UNC13C: variants seen among roughly 807,000 people sequenced by gnomAD.
The protein encoded by UNC13C is unc-13 homolog C, also known as protein unc-13 homolog C.
Under a neutral mutation model 245.4 loss-of-function variants are expected in UNC13C, and 174 were observed. The ratio of observed to expected loss-of-function variants is 0.71; its 90% CI spans 0.63 to 0.80. The LOEUF is 0.80. Among genes scored for constraint, UNC13C ranks in the 30% least tolerant of loss-of-function variants. UNC13C has a pLI of 0.00. For missense variants in UNC13C, 2,829 were observed against 2,602.9 expected (o/e 1.09, Z -1.89); for synonymous variants, 992 against 895.1 (o/e 1.11, Z -1.93).
chr15:54,412,215 A>C (rs540155162), intron 18 of UNC13C, among the ~76,000 whole-genome samples: 2 of 152,088 alleles, frequency 1.3e-5, no homozygotes, highest in South Asian at 2.1e-4. Context: ...GAAAAAAAAA[A>C]CAAAAAAAGT....
At chr15:54,057,880 G>A (rs1450607810) in intron 2 of UNC13C, among the ~76,000 whole-genome samples, 1 of 152,138 alleles carries the variant, frequency 6.6e-6, no homozygotes, top group East Asian at 1.9e-4. Flanking sequence ...ATAACGAAAC[G>A]AAGGCAGAAA....
chr15:54,369,211 G>A (rs1246036782), intron 17 of UNC13C, among the ~76,000 whole-genome samples: 1 of 150,142 alleles, frequency 6.7e-6, no homozygotes, highest in African/African-American at 2.5e-5. Flanking sequence ...AAAAAAAAAA[G>A]TTGAATGCTA....
At chr15:54,167,493 C>A (rs2033209979) in intron 4 of UNC13C, among the ~76,000 whole-genome samples, 1 of 105,766 alleles carries the variant, frequency 9.5e-6, no homozygotes, top group African/African-American at 3.6e-5. Flanking sequence ...CAGAGCGACA[C>A]TCGTCTCAAA....
chr15:54,372,468 A>G (rs2039508760), intron 17 of UNC13C, among the ~76,000 whole-genome samples: 2 of 152,180 alleles, frequency 1.3e-5, no homozygotes, highest in African/African-American at 4.8e-5. Flanking sequence ...TTAGAAAGAG[A>G]ATACACTGAT....
At chr15:53,884,537 A>C in the UNC13C span, among the ~76,000 whole-genome samples, 1 of 152,034 alleles carries the variant, frequency 6.6e-6, no homozygotes, top group Non-Finnish European at 1.5e-5. Context: ...GGCTCACTAC[A>C]TTGCCCAGAC....
At chr15:54,114,761 T>A (rs1384473781) in intron 2 of UNC13C, among the ~76,000 whole-genome samples, 3 of 152,218 alleles carry the variant, frequency 2.0e-5, no homozygotes, top group Non-Finnish European at 4.4e-5. Context: ...TAGATATTGC[T>A]ATTTATTTCT....
intron 4 of UNC13C, among the ~76,000 whole-genome samples, chr15:54,144,877 C>T (rs1205252910): frequency 1.3e-5 from 2 of 151,784 alleles, no homozygotes; most frequent in African/African-American, 4.8e-5. Context: ...TGCTTATACA[C>T]AGTTTATATA....
intron 30 of UNC13C, among the ~76,000 whole-genome samples, chr15:54,591,492 C>A (rs933905479): frequency 1.3e-5 from 2 of 152,056 alleles, no homozygotes; most frequent in African/African-American, 4.8e-5. Context: ...TTCAGGGTAT[C>A]TAATTTTTCC....
At chr15:54,399,435 G>A (rs377349207) in intron 18 of UNC13C, among the ~76,000 whole-genome samples, 6 of 151,826 alleles carry the variant, frequency 4.0e-5, no homozygotes, top group East Asian at 1.9e-4. Context: ...TACTTAAACT[G>A]TCATGACTTC....
chr15:54,331,575 C>A (rs2038437063), intron 14 of UNC13C, among the ~76,000 whole-genome samples: 1 of 152,050 alleles, frequency 6.6e-6, no homozygotes, highest in Admixed American at 6.6e-5. Flanking sequence ...TTGACAAAAA[C>A]AACACCTGCT....
Position 54,321,757 on chromosome 15 carries a change from A to G in UNC13C, c.4269-182A>G, listed in dbSNP as rs911114737. Among the ~76,000 whole-genome samples, 4 of 152,130 alleles carry G rather than the reference A, an allele frequency of 2.6e-5. 1 individual carries two copies. The Middle Eastern group carries it at 0.01, about 388-fold the overall frequency. On this transcript the variant is annotated intron_variant, in intron 13 of 32. Coordinates refer to ENST00000260323, the MANE Select transcript of UNC13C (RefSeq NM_001080534.3). ...AATTACACTCTAATTAAGGCACTTTACATTTGTGAATGGGAAATTTTCAGA... is the reference window on the plus strand; with the variant it reads ...AATTACACTCTAATTAAGGCACTTTGCATTTGTGAATGGGAAATTTTCAGA...
the UNC13C span, among the ~76,000 whole-genome samples, chr15:53,964,779 G>T: frequency 6.6e-6 from 1 of 152,140 alleles, no homozygotes; most frequent in African/African-American, 2.4e-5. Context: ...TCTAAAGCCA[G>T]ATGAAGATTT....
At chr15:54,302,974 G>T (rs1160355361) in intron 13 of UNC13C, among the ~76,000 whole-genome samples, 2 of 152,028 alleles carry the variant, frequency 1.3e-5, no homozygotes, top group Middle Eastern at 6.8e-3. Context: ...GAGAAATTGT[G>T]CATGCTTTTT....
chr15:54,374,866 C>T (rs944267219), intron 17 of UNC13C, among the ~76,000 whole-genome samples: 6 of 152,224 alleles, frequency 3.9e-5, no homozygotes, highest in Non-Finnish European at 8.8e-5. Flanking sequence ...AGGGGATTGG[C>T]GCTAAGCTCT....
At chr15:54,336,533 C>T (rs1309012822) in intron 16 of UNC13C, among the ~76,000 whole-genome samples, 1 of 151,812 alleles carries the variant, frequency 6.6e-6, no homozygotes, top group African/African-American at 2.4e-5. Flanking sequence ...GTTAAACCAA[C>T]ATCACAAAGA....
At chr15:54,608,911 C>A (rs1192385887) in intron 30 of UNC13C, among the ~76,000 whole-genome samples, 1 of 152,188 alleles carries the variant, frequency 6.6e-6, no homozygotes, top group East Asian at 1.9e-4. Flanking sequence ...CATTACCACC[C>A]TCTTGCCTTT....
intron 28 of UNC13C, 99 bp from the exon 29 acceptor site, chr15:54,555,333 G>T: frequency 2.4e-6 from 2 of 843,500 alleles, no homozygotes; most frequent in East Asian, 2.7e-5. Flanking sequence ...ATTTCAAATA[G>T]GAAGTTTGGC....
chr15:54,334,856 G>A (rs976999163), intron 16 of UNC13C, among the ~76,000 whole-genome samples: 2 of 152,016 alleles, frequency 1.3e-5, no homozygotes, highest in African/African-American at 2.4e-5. Context: ...GTGAGGGTAG[G>A]GTGTGCCAGC....
intron 4 of UNC13C, among the ~76,000 whole-genome samples, chr15:54,226,049 A>C (rs1381954164): frequency 2.0e-5 from 3 of 152,170 alleles, no homozygotes; most frequent in African/African-American, 7.2e-5. Flanking sequence ...GCCTTTTTGC[A>C]TCTGTTGAGA....
Sources: allele counts gnomAD v4.1 joint callset (sites outside exome capture counted in the v4.1 genomes callset), GRCh38; gene constraint gnomAD v4.1.1; transcripts MANE v1.5; gene names NCBI Gene and HGNC (gene_info 2026-07-23, HGNC 2026-07-21).